Variants in LACTB2 observed in about 807,000 individuals in gnomAD.
The protein encoded by LACTB2 is lactamase beta 2.
In LACTB2, 32 loss-of-function variants were observed where a neutral mutation model predicts 34.8. That is an observed-to-expected ratio of 0.92 (90% confidence interval 0.69 to 1.24). The LOEUF is 1.24. Among genes scored for constraint, LACTB2 ranks in the 50% most tolerant of loss-of-function variants. The pLI is 0.00. For missense variants in LACTB2, 320 were observed against 345.0 expected (o/e 0.93, Z 0.57); for synonymous variants, 120 against 117.5 (o/e 1.02, Z -0.14).
chr8:70,643,148 CT>C (rs1241426565), intron 4 of LACTB2, among the ~76,000 whole-genome samples: 3 of 149,300 alleles, frequency 2.0e-5, no homozygotes, highest in Non-Finnish European at 4.4e-5. Context: ...ATTAATATGG[CT>C]CTTGGCCTTC....
intron 3 of LACTB2, among the ~76,000 whole-genome samples, chr8:70,648,570 TGAGA>T (rs1818295531): frequency 6.6e-6 from 1 of 150,504 alleles, no homozygotes; most frequent in Non-Finnish European, 1.5e-5. Flanking sequence ...AGATGAAAAA[TGAGA>T]GAGAAAAAAA....
chr8:70,659,063 A>G (rs554884034), intron 2 of LACTB2, among the ~76,000 whole-genome samples: 35 of 152,270 alleles, frequency 2.3e-4, no homozygotes, highest in African/African-American at 8.4e-4. Flanking sequence ...TGAGCATGAC[A>G]TATGTGTGAC....
At chr8:70,664,282 T>C (rs1457738631) in intron 1 of LACTB2, among the ~76,000 whole-genome samples, 1 of 152,242 alleles carries the variant, frequency 6.6e-6, no homozygotes, top group Non-Finnish European at 1.5e-5. Context: ...AACTCTGTTT[T>C]GAAATATCTC....
chr8:70,661,946 A>C, intron 1 of LACTB2, 49 bp from the exon 2 acceptor site: 5 of 1,453,762 alleles, frequency 3.4e-6, no homozygotes, highest in Non-Finnish European at 4.6e-6. Flanking sequence ...CTGCGTTGAC[A>C]TTAGCATTAT....
At chr8:70,648,216 C>T (rs567189575) in intron 3 of LACTB2, among the ~76,000 whole-genome samples, 4 of 152,276 alleles carry the variant, frequency 2.6e-5, no homozygotes, top group Non-Finnish European at 5.9e-5. Flanking sequence ...CCAAACAGCT[C>T]TGTAGTTTCC....
intron 4 of LACTB2, among the ~76,000 whole-genome samples, chr8:70,643,208 C>CTTTTT (rs66482767): frequency 3.9e-5 from 3 of 76,192 alleles, no homozygotes; most frequent in Non-Finnish European, 7.5e-5. Context: ...GTGTATTTTC[C>CTTTTT]TTTTTTTTTT....
chr8:70,660,627 C>G, intron 2 of LACTB2: 1 of 456,370 alleles, frequency 2.2e-6, no homozygotes, highest in East Asian at 6.9e-5. Flanking sequence ...CATCTTTGCT[C>G]CTGCAATGCT....
intron 3 of LACTB2, among the ~76,000 whole-genome samples, chr8:70,657,405 C>T (rs1247421015): frequency 1.3e-5 from 2 of 151,226 alleles, no homozygotes; most frequent in Non-Finnish European, 2.9e-5. Context: ...TTACACATAC[C>T]AGCACATATG....
chr8:70,665,306 A>G (rs1482445605), intron 1 of LACTB2, among the ~76,000 whole-genome samples: 4 of 152,242 alleles, frequency 2.6e-5, no homozygotes, highest in Non-Finnish European at 2.9e-5. Context: ...TCACTAGAGC[A>G]AAGTGCCTGG....
rs190428893 is a variant in LACTB2, at chr8:70,650,493, C to G, written c.414-6250G>C. On this transcript the variant is annotated intron_variant, in intron 3 of 6. Coordinates refer to ENST00000276590, the MANE Select transcript of LACTB2 (RefSeq NM_016027.3). ...CGGTAGCTCATGCCTGTAATCCCAG[C>G]ACTTTGGGAGGCCGAGGCCTGAGGT... 1.8e-3 allele frequency among the ~76,000 whole-genome samples: 278 copies of G among 152,216 alleles called. 3 individuals are homozygous for G. The highest frequency in any genetic ancestry group is 0.016 in the South Asian group (79 of 4,826).
At chr8:70,664,687 G>A (rs1210510413) in intron 1 of LACTB2, among the ~76,000 whole-genome samples, 3 of 151,576 alleles carry the variant, frequency 2.0e-5, no homozygotes, top group Non-Finnish European at 4.4e-5. Context: ...CAAGCTTTGA[G>A]GGAAAAAAAA....
chr8:70,659,674 A>T (rs1818458080), intron 2 of LACTB2, among the ~76,000 whole-genome samples: 1 of 152,242 alleles, frequency 6.6e-6, no homozygotes, highest in African/African-American at 2.4e-5. Flanking sequence ...GAGGCATTAC[A>T]TTTCTGCTTA....
At chr8:70,649,549 A>G (rs62531721) in intron 3 of LACTB2, among the ~76,000 whole-genome samples, 10,099 of 152,284 alleles carry the variant, frequency 0.066, 457 homozygotes, top group Non-Finnish European at 0.096. Context: ...GTCTACAGTC[A>G]TAACAACATC....
intron 3 of LACTB2, among the ~76,000 whole-genome samples, chr8:70,655,433 G>A (rs1818398895): frequency 6.6e-6 from 1 of 152,012 alleles, no homozygotes; most frequent in African/African-American, 2.4e-5. Flanking sequence ...TGTTGGCCAG[G>A]CTGGTCTCAA....
At chr8:70,638,405 C>T (rs1818150310) in intron 6 of LACTB2, 143 bp downstream of exon 6, 2 of 851,394 alleles carry the variant, frequency 2.3e-6, no homozygotes, top group African/African-American at 3.7e-5. Context: ...GTGCTACTGA[C>T]CTTCCTAGCG....
At position 70,641,144 on chromosome 8, in the gene LACTB2, T is replaced by C. The variant is rs535891389; in HGVS notation, c.593-94A>G. On this transcript the variant is annotated intron_variant, in intron 4 of 6. Transcript: ENST00000276590. ...TCACTCTATTTAAAAATAATTCATATGATATATTGAAAAAGCATACTAAAT... is the reference window on the plus strand; with the variant it reads ...TCACTCTATTTAAAAATAATTCATACGATATATTGAAAAAGCATACTAAAT... The C allele has an allele frequency of 2.4e-5, 27 of 1,128,348 alleles. No homozygotes were observed. The South Asian group carries it at 3.1e-4, about 13-fold the overall frequency. The allele number at this position is 1,128,348 out of a possible 1,614,324, so 69.9% of individuals were successfully genotyped here.
chr8:70,643,764 T>C (rs1351361193), intron 4 of LACTB2, among the ~76,000 whole-genome samples: 2 of 152,116 alleles, frequency 1.3e-5, no homozygotes, highest in African/African-American at 4.8e-5. Context: ...CTGCCCACCT[T>C]GGCATCCCAA....
At chr8:70,649,773 G>A (rs919425826) in intron 3 of LACTB2, among the ~76,000 whole-genome samples, 1 of 152,056 alleles carries the variant, frequency 6.6e-6, no homozygotes, top group Non-Finnish European at 1.5e-5. Flanking sequence ...CTCCCTAGAC[G>A]CAACCACTTT....
chr8:70,643,056 T>G (rs1023105495), intron 4 of LACTB2, among the ~76,000 whole-genome samples: 1 of 152,154 alleles, frequency 6.6e-6, no homozygotes, highest in Non-Finnish European at 1.5e-5. Flanking sequence ...ATTTTCCCAT[T>G]TCAATGTAAG....
Sources: allele counts gnomAD v4.1 joint callset (sites outside exome capture counted in the v4.1 genomes callset), GRCh38; gene constraint gnomAD v4.1.1; transcripts MANE v1.5; gene names NCBI Gene and HGNC (gene_info 2026-07-23, HGNC 2026-07-21).